RBMS3: variants seen among roughly 807,000 people sequenced by gnomAD.
RBMS3 encodes the protein RNA binding motif single stranded interacting protein 3, also known as RNA-binding motif, single-stranded-interacting protein 3.
A neutral mutation model predicts 66.8 loss-of-function variants in RBMS3; 27 were observed. The ratio of observed to expected loss-of-function variants is 0.40; its 90% CI spans 0.30 to 0.56. The LOEUF (loss-of-function observed/expected upper bound fraction) is 0.56, where lower values mean the gene tolerates loss of function less well. Ranked by LOEUF, RBMS3 falls within the 20% of genes least tolerant of loss-of-function variation. The pLI, the probability that RBMS3 is intolerant of heterozygous loss-of-function variation, is 0.40. For missense variants in RBMS3, 513 were observed against 549.5 expected (o/e 0.93, Z 0.66); for synonymous variants, 188 against 183.0 (o/e 1.03, Z -0.22).
intron 1 of RBMS3, among the ~76,000 whole-genome samples, chr3:29,397,290 T>A (rs1295924041): frequency 6.6e-6 from 1 of 152,216 alleles, no homozygotes; most frequent in Non-Finnish European, 1.5e-5. Context: ...TAAGTCCTCA[T>A]AATATAGCAT....
At chr3:29,837,654 T>G (rs999376691) in intron 6 of RBMS3, among the ~76,000 whole-genome samples, 2 of 119,462 alleles carry the variant, frequency 1.7e-5, no homozygotes, top group African/African-American at 6.9e-5. Flanking sequence ...AACATATATA[T>G]ATAATGAACA....
intron 1 of RBMS3, among the ~76,000 whole-genome samples, chr3:29,432,873 T>C (rs376784016): frequency 4.6e-5 from 7 of 152,080 alleles, no homozygotes; most frequent in South Asian, 2.1e-4. Flanking sequence ...TAAGAAGTGA[T>C]TGGAGAAAAA....
chr3:29,655,037 T>G (rs1264161720), intron 4 of RBMS3, among the ~76,000 whole-genome samples: 3 of 152,190 alleles, frequency 2.0e-5, no homozygotes. Context: ...GATGCCCTTT[T>G]GTTTTATTCT....
chr3:29,737,414 T>C (rs571032553), intron 4 of RBMS3, among the ~76,000 whole-genome samples: 8 of 152,316 alleles, frequency 5.3e-5, no homozygotes, highest in African/African-American at 1.7e-4. Flanking sequence ...TTGAGAAACA[T>C]TGGACTTGTG....
chr3:29,438,608 C>T (rs1039570460), intron 2 of RBMS3, among the ~76,000 whole-genome samples: 1 of 152,110 alleles, frequency 6.6e-6, no homozygotes, highest in Non-Finnish European at 1.5e-5. Flanking sequence ...AATGATTTTA[C>T]TCTATGGAAA....
intron 5 of RBMS3, among the ~76,000 whole-genome samples, chr3:29,743,524 T>C (rs1179072362): frequency 1.3e-5 from 2 of 152,140 alleles, no homozygotes; most frequent in Admixed American, 6.6e-5. Context: ...GAATTAACAG[T>C]CTGGTGGTGA....
intron 3 of RBMS3, among the ~76,000 whole-genome samples, chr3:29,584,557 A>G (rs755863822): frequency 3.9e-5 from 6 of 152,086 alleles, no homozygotes; most frequent in Non-Finnish European, 8.8e-5. Flanking sequence ...TCAGACCAAT[A>G]ATTAGATTTT....
chr3:29,715,722 C>T (rs768629538), intron 4 of RBMS3, among the ~76,000 whole-genome samples: 11 of 152,106 alleles, frequency 7.2e-5, no homozygotes, highest in Non-Finnish European at 1.5e-4. Context: ...ATCTCAATGT[C>T]AGAGGTAAAA....
At chr3:29,640,164 C>A (rs1325436427) in intron 4 of RBMS3, among the ~76,000 whole-genome samples, 1 of 151,316 alleles carries the variant, frequency 6.6e-6, no homozygotes, top group Non-Finnish European at 1.5e-5. Context: ...TGTAACTATG[C>A]CAAGTATTTC....
At chr3:29,568,197 T>G (rs1468437121) in intron 3 of RBMS3, among the ~76,000 whole-genome samples, 1 of 152,188 alleles carries the variant, frequency 6.6e-6, no homozygotes, top group Non-Finnish European at 1.5e-5. Flanking sequence ...AGGGCCAATT[T>G]GAACTTAGTA....
chr3:29,824,106 T>C (rs983685624), intron 6 of RBMS3, among the ~76,000 whole-genome samples: 1 of 150,844 alleles, frequency 6.6e-6, no homozygotes, highest in Admixed American at 6.7e-5. Context: ...AATGTTTATG[T>C]CCCCCCACCC....
chr3:29,829,967 TC>T (rs1415878141), intron 6 of RBMS3, among the ~76,000 whole-genome samples: 1 of 147,956 alleles, frequency 6.8e-6, no homozygotes, highest in East Asian at 2.0e-4. Context: ...ACTACTTTGT[TC>T]AAGGGAATTA....
chr3:29,417,005 G>A (rs1360003731), intron 1 of RBMS3, among the ~76,000 whole-genome samples: 2 of 152,038 alleles, frequency 1.3e-5, no homozygotes, highest in Non-Finnish European at 2.9e-5. Flanking sequence ...GCTGTTAGAG[G>A]ACAGGCAGAA....
rs147904059 is a variant in RBMS3, at chr3:29,646,917, C to T, written c.399+59712C>T. On this transcript the variant is annotated intron_variant, in intron 4 of 14. Coordinates refer to ENST00000383767, the MANE Select transcript of RBMS3 (RefSeq NM_001003793.3). ...ATATGTATCTTCCTCATTCGGAATG[C>T]GTGTTAGATAAGTGCAGGATAATCT... 1.1e-4 allele frequency among the ~76,000 whole-genome samples: 16 copies of T among 152,220 alleles called. No individual in the cohort carries two copies. The East Asian group carries it at 2.3e-3, about 22-fold the overall frequency.
intron 4 of RBMS3, among the ~76,000 whole-genome samples, chr3:29,602,153 C>T (rs1449897115): frequency 2.0e-5 from 3 of 151,994 alleles, no homozygotes; most frequent in Non-Finnish European, 2.9e-5. Context: ...CATAATTGCA[C>T]GGTACACTGA....
intron 5 of RBMS3, among the ~76,000 whole-genome samples, chr3:29,741,439 G>A (rs28427095): frequency 0.028 from 4,303 of 152,222 alleles, 164 homozygotes; most frequent in African/African-American, 0.09. Context: ...AGGCCTGAGC[G>A]ATGTGGGAGT....
Position 29,953,538 on chromosome 3 carries a change from G to A in RBMS3, c.1098+9284G>A, listed in dbSNP as rs1005017186. Among the ~76,000 whole-genome samples, 15 of 151,990 alleles carry A rather than the reference G, an allele frequency of 9.9e-5. No individual in the cohort carries two copies. The South Asian group carries it at 2.1e-3, about 21-fold the overall frequency. Reference sequence around the variant, plus strand: ...TATAATATTGCCTAACAAAAATATAGCAGAATATTAAATGTCCTTGGTGAA... The same window carrying A: ...TATAATATTGCCTAACAAAAATATAACAGAATATTAAATGTCCTTGGTGAA... On this transcript the variant is annotated intron_variant, in intron 12 of 14. Coordinates refer to ENST00000383767, the MANE Select transcript of RBMS3 (RefSeq NM_001003793.3).
intron 6 of RBMS3, among the ~76,000 whole-genome samples, chr3:29,803,594 T>C (rs2057454168): frequency 1.3e-5 from 2 of 152,110 alleles, no homozygotes; most frequent in Non-Finnish European, 2.9e-5. Context: ...CCAAAAGATA[T>C]ATTTTATCAA....
In RBMS3 at chr3:29,981,640, G is replaced by A. The variant is rs139522488; in HGVS notation, c.1099-6503G>A. Among the ~76,000 whole-genome samples the A allele has an allele frequency of 6.1e-3, 927 of 152,166 alleles. 8 individuals carry two copies. Among genetic ancestry groups the A allele is most frequent in the African/African-American group, 0.021 (883 of 41,508 alleles). Reference sequence around the variant, plus strand: ...TTATTGAGGGTTTTTAGCATGAAGGGCTATTGAATTTTGTTGAAGGCCTTT... The same window carrying A: ...TTATTGAGGGTTTTTAGCATGAAGGACTATTGAATTTTGTTGAAGGCCTTT... On this transcript the variant is annotated intron_variant, in intron 12 of 14. Transcript: ENST00000383767.
Sources: allele counts gnomAD v4.1 joint callset (sites outside exome capture counted in the v4.1 genomes callset), GRCh38; gene constraint gnomAD v4.1.1; transcripts MANE v1.5; gene names NCBI Gene and HGNC (gene_info 2026-07-23, HGNC 2026-07-21).